Variants in MCF2L2 observed in about 807,000 individuals in gnomAD.
MCF2L2 encodes MCF.2 cell line derived transforming sequence-like 2, also known as probable guanine nucleotide exchange factor MCF2L2.
A neutral mutation model predicts 150.2 loss-of-function variants in MCF2L2; 102 were observed. The observed-to-expected ratio is 0.68, with a 90% confidence interval of 0.58 to 0.80. The LOEUF (loss-of-function observed/expected upper bound fraction) is 0.80. Among genes scored for constraint, MCF2L2 ranks in the 30% least tolerant of loss-of-function variants. MCF2L2 has a pLI of 0.00. For missense variants in MCF2L2, 1,256 were observed against 1,372.8 expected (o/e 0.91, Z 1.34); for synonymous variants, 465 against 491.3 (o/e 0.95, Z 0.71).
At chr3:183,222,123 CTGAG>C (rs1475143124) in intron 20 of MCF2L2, among the ~76,000 whole-genome samples, 1 of 152,214 alleles carries the variant, frequency 6.6e-6, no homozygotes, top group African/African-American at 2.4e-5. Context: ...CCTCCACCTC[CTGAG>C]TAGCTGCTGG....
chr3:183,295,212 C>A (rs771788724), intron 13 of MCF2L2, 88 bp downstream of exon 13: 1 of 1,344,980 alleles, frequency 7.4e-7, no homozygotes, highest in Admixed American at 2.3e-5. Flanking sequence ...AAACAGCGAC[C>A]ATTATCCATT....
intron 11 of MCF2L2, chr3:183,298,792 C>CACACACACACACAT (rs1553777011): frequency 6.6e-6 from 1 of 152,280 alleles, no homozygotes; most frequent in African/African-American, 2.4e-5. Flanking sequence ...CACACACACA[C>CACACACACACACAT]ACCAGGCTTA....
intron 25 of MCF2L2, 24 bp from the exon 26 acceptor site, chr3:183,195,279 C>G: frequency 1.3e-6 from 2 of 1,575,890 alleles, no homozygotes; most frequent in Non-Finnish European, 1.7e-6. Flanking sequence ...AAACAAAAAA[C>G]AGCACTCTCA....
intron 1 of MCF2L2, among the ~76,000 whole-genome samples, chr3:183,410,343 T>A (rs1222849229): frequency 6.6e-6 from 1 of 152,200 alleles, no homozygotes; most frequent in Non-Finnish European, 1.5e-5. Context: ...AACTATCATA[T>A]TGGGCCTTGA....
In MCF2L2 at chr3:183,393,292, C is replaced by G. The variant is rs568103441; in HGVS notation, c.77-3513G>C. Among the ~76,000 whole-genome samples, 4 of 150,804 alleles carry G rather than the reference C, an allele frequency of 2.7e-5. No homozygotes were observed. The East Asian group carries it at 7.9e-4, about 30-fold the overall frequency. Reference sequence around the variant, plus strand: ...CACTGCAACCTCCACCTCCCGGGTTCAAGCGATTCTCCTGCCTCAGCCTCC... The same window carrying G: ...CACTGCAACCTCCACCTCCCGGGTTGAAGCGATTCTCCTGCCTCAGCCTCC... On this transcript the variant is annotated intron_variant, in intron 1 of 29. Coordinates refer to ENST00000328913, the MANE Select transcript of MCF2L2 (RefSeq NM_015078.4).
chr3:183,351,952 A>C (rs143365970), intron 3 of MCF2L2, among the ~76,000 whole-genome samples: 1 of 152,282 alleles, frequency 6.6e-6, no homozygotes, highest in East Asian at 1.9e-4. Context: ...TAGTGACTTC[A>C]AGTCGCTAGG....
chr3:183,225,299 A>G (rs1723304427), intron 18 of MCF2L2: 1 of 152,290 alleles, frequency 6.6e-6, no homozygotes, highest in African/African-American at 2.4e-5. Context: ...TGGCACACAC[A>G]TTTAAGACAG....
At chr3:183,394,315 T>C (rs1714325410) in intron 1 of MCF2L2, among the ~76,000 whole-genome samples, 1 of 152,244 alleles carries the variant, frequency 6.6e-6, no homozygotes, top group Admixed American at 6.5e-5. Context: ...ACACTAACTT[T>C]GCACGTCACA....
chr3:183,294,553 G>A (rs1312814394), intron 13 of MCF2L2, among the ~76,000 whole-genome samples: 7 of 145,438 alleles, frequency 4.8e-5, no homozygotes, highest in Non-Finnish European at 7.5e-5. Flanking sequence ...ATATATGTAT[G>A]TGTGTGTGTG....
chr3:183,412,820 C>G (rs1310497585), intron 1 of MCF2L2, among the ~76,000 whole-genome samples: 3 of 152,094 alleles, frequency 2.0e-5, no homozygotes, highest in Non-Finnish European at 4.4e-5. Flanking sequence ...TGGGGGAAAG[C>G]ATTCAGTCAT....
At chr3:183,390,465 G>A (rs1004794170) in intron 1 of MCF2L2, among the ~76,000 whole-genome samples, 2 of 152,278 alleles carry the variant, frequency 1.3e-5, no homozygotes, top group South Asian at 4.1e-4. Context: ...CCTAGAAAGT[G>A]ACTTATAAGC....
At chr3:183,191,103 T>C (rs1721872109) in intron 27 of MCF2L2, among the ~76,000 whole-genome samples, 1 of 152,192 alleles carries the variant, frequency 6.6e-6, no homozygotes, top group African/African-American at 2.4e-5. Context: ...CTTCAACTCC[T>C]GACCTCAGGT....
At chr3:183,404,874 GAAA>G (rs548202046) in intron 1 of MCF2L2, among the ~76,000 whole-genome samples, 1 of 147,516 alleles carries the variant, frequency 6.8e-6, no homozygotes, top group Non-Finnish European at 1.5e-5. Context: ...AAAACAGAAA[GAAA>G]AAAAAAATCT....
chr3:183,293,301 G>T (rs533240569), intron 13 of MCF2L2, among the ~76,000 whole-genome samples: 34 of 152,174 alleles, frequency 2.2e-4, no homozygotes, highest in Non-Finnish European at 4.3e-4. Flanking sequence ...ATATCTGAAA[G>T]ACATAAAAAC....
chr3:183,293,938 C>A (rs1315176791), intron 13 of MCF2L2, among the ~76,000 whole-genome samples: 2 of 151,934 alleles, frequency 1.3e-5, no homozygotes, highest in Non-Finnish European at 2.9e-5. Flanking sequence ...TTAAAGATGA[C>A]CTAAAAAACA....
chr3:183,228,196 T>C, intron 18 of MCF2L2, 101 bp downstream of exon 18: 3 of 814,604 alleles, frequency 3.7e-6, no homozygotes, highest in Non-Finnish European at 6.3e-6. Context: ...GGGAAGCAGA[T>C]ATGTTTTTAG....
At chr3:183,269,713 A>C (rs1270197043) in intron 15 of MCF2L2, 2 of 1,221,312 alleles carry the variant, frequency 1.6e-6, no homozygotes, top group Non-Finnish European at 2.3e-6. Flanking sequence ...ATGGACACCT[A>C]CTCTACGAAA....
intron 15 of MCF2L2, chr3:183,272,141 C>T: frequency 1.0e-6 from 1 of 1,000,210 alleles, no homozygotes. Context: ...GGGGTTAAAG[C>T]ATTTTTAAAG....
intron 18 of MCF2L2, chr3:183,224,994 G>A (rs75828800): frequency 0.033 from 5,040 of 152,382 alleles, 297 homozygotes; most frequent in African/African-American, 0.12. Context: ...GGCCCACAGC[G>A]GCTGTGCTGG....
Sources: allele counts gnomAD v4.1 joint callset (sites outside exome capture counted in the v4.1 genomes callset), GRCh38; gene constraint gnomAD v4.1.1; transcripts MANE v1.5; gene names NCBI Gene and HGNC (gene_info 2026-07-23, HGNC 2026-07-21).